DAPP1: variants seen among roughly 807,000 people sequenced by gnomAD.
DAPP1 encodes dual adapter for phosphotyrosine and 3-phosphotyrosine and 3-phosphoinositide.
DAPP1 carries 20 observed loss-of-function variants against 41.5 expected under a neutral mutation model. The ratio of observed to expected loss-of-function variants is 0.48; its 90% CI spans 0.34 to 0.70. The LOEUF (loss-of-function observed/expected upper bound fraction) is 0.70, where lower values mean the gene tolerates loss of function less well. Ranked by LOEUF, DAPP1 falls within the 30% of genes least tolerant of loss-of-function variation. The probability of loss-of-function intolerance (pLI) is 0.01; values close to 1 mark genes in which losing one functional copy is unlikely to be tolerated. For synonymous variants in DAPP1, 113 were observed against 116.2 expected, an observed-to-expected ratio of 0.97 and a Z score of 0.18; for missense variants, 233 against 333.4, an observed-to-expected ratio of 0.70 and a Z score of 2.35.
intron 1 of DAPP1, among the ~76,000 whole-genome samples, chr4:99,830,423 G>T (rs1399884568): frequency 6.6e-6 from 1 of 152,074 alleles, no homozygotes; most frequent in East Asian, 1.9e-4. Context: ...TATAGAAACT[G>T]TAAGGTCCAT....
intron 8 of DAPP1, 93 bp from the exon 9 acceptor site, chr4:99,868,024 T>C: frequency 9.2e-7 from 1 of 1,089,158 alleles, no homozygotes. Context: ...ATGACATCCT[T>C]ACTAATCAAC....
chr4:99,834,146 T>C (rs1723215646), intron 1 of DAPP1, among the ~76,000 whole-genome samples: 1 of 152,312 alleles, frequency 6.6e-6, no homozygotes, highest in South Asian at 2.1e-4. Flanking sequence ...GAATGACCTG[T>C]TATTGGAGAA....
chr4:99,867,849 G>T (rs1043375471), intron 8 of DAPP1, among the ~76,000 whole-genome samples: 1 of 151,886 alleles, frequency 6.6e-6, no homozygotes, highest in Non-Finnish European at 1.5e-5. Flanking sequence ...GAATAGTATT[G>T]CATTTTATAG....
At chr4:99,830,089 G>T (rs1723070227) in intron 1 of DAPP1, among the ~76,000 whole-genome samples, 2 of 152,080 alleles carry the variant, frequency 1.3e-5, no homozygotes, top group East Asian at 3.9e-4. Context: ...TTTAAAAATT[G>T]AATATAGTTC....
At chr4:99,822,774 C>A (rs1201437561) in intron 1 of DAPP1, among the ~76,000 whole-genome samples, 2 of 152,122 alleles carry the variant, frequency 1.3e-5, no homozygotes, top group Non-Finnish European at 2.9e-5. Context: ...TTGTTAAAAC[C>A]TGCATTAATT....
At chr4:99,859,087 A>AT (rs942754364) in intron 4 of DAPP1, among the ~76,000 whole-genome samples, 26 of 150,198 alleles carry the variant, frequency 1.7e-4, no homozygotes, top group Admixed American at 3.3e-4. Flanking sequence ...TCATTTTTTT[A>AT]TTTTTTTTTG....
chr4:99,819,115 G>A (rs1578337805), intron 1 of DAPP1, among the ~76,000 whole-genome samples: 2 of 152,142 alleles, frequency 1.3e-5, no homozygotes, highest in South Asian at 4.1e-4. Flanking sequence ...ACTTTATTGA[G>A]GTTATTTTAC....
chr4:99,855,843 A>G (rs1225584820), intron 4 of DAPP1, among the ~76,000 whole-genome samples: 4 of 152,188 alleles, frequency 2.6e-5, no homozygotes, highest in Non-Finnish European at 5.9e-5. Flanking sequence ...AGGGTTTTCA[A>G]ACTTCTGCAT....
In DAPP1 at chr4:99,842,826, T is replaced by A. The variant is rs78981415; in HGVS notation, c.358+2404T>A. 8.5e-3 allele frequency among the ~76,000 whole-genome samples: 1,293 copies of A among 151,564 alleles called. 10 individuals carry two copies. The highest frequency in any genetic ancestry group is 0.029 in the African/African-American group (1,192 of 40,944). ...TCAGGCTAACGATTTCATGTTCACCTTCAGATGAAGTACAGATATTTCTTT... is the reference window on the plus strand; with the variant it reads ...TCAGGCTAACGATTTCATGTTCACCATCAGATGAAGTACAGATATTTCTTT... On this transcript the variant is annotated intron_variant, in intron 3 of 8. Coordinates refer to ENST00000512369, the MANE Select transcript of DAPP1 (RefSeq NM_014395.3).
chr4:99,858,155 A>G (rs887327383), intron 4 of DAPP1, among the ~76,000 whole-genome samples: 15 of 152,168 alleles, frequency 9.9e-5, no homozygotes, highest in East Asian at 3.9e-4. Context: ...TTCAAGCTTC[A>G]CTAGTTTTCT....
intron 1 of DAPP1, among the ~76,000 whole-genome samples, chr4:99,829,339 G>A (rs1239949634): frequency 6.6e-6 from 1 of 152,012 alleles, no homozygotes; most frequent in African/African-American, 2.4e-5. Context: ...AATTTGCCAG[G>A]TGTGGTGGTG....
Position 99,868,536 on chromosome 4 carries a change from A to G in DAPP1, c.*351A>G, listed in dbSNP as rs1724541248. 4.9e-6 allele frequency: 1 copy of G among 203,534 alleles called. No homozygotes were observed. The highest frequency in any genetic ancestry group is 9.2e-5 in the South Asian group (1 of 10,890). The allele number at this position is 203,534 out of a possible 1,614,324, so 12.6% of individuals were successfully genotyped here. A position where few individuals can be genotyped will look rare whatever the true frequency, so the allele number is the denominator to read the frequency against. Reference sequence around the variant, plus strand: ...ATTGACACTAGTTGCCTAGAGTCCCACTGTGAGTCATGGTCAGCCTGTCTG... The same window carrying G: ...ATTGACACTAGTTGCCTAGAGTCCCGCTGTGAGTCATGGTCAGCCTGTCTG... On this transcript the variant is annotated 3_prime_UTR_variant, in exon 9 of 9. Coordinates refer to ENST00000512369, the MANE Select transcript of DAPP1 (RefSeq NM_014395.3).
intron 8 of DAPP1, among the ~76,000 whole-genome samples, chr4:99,867,453 A>T (rs1486030753): frequency 6.6e-6 from 1 of 152,218 alleles, no homozygotes; most frequent in Non-Finnish European, 1.5e-5. Flanking sequence ...ACCACTACAC[A>T]CCCTTCAGAA....
At chr4:99,849,689 G>A (rs1483107601) in intron 3 of DAPP1, among the ~76,000 whole-genome samples, 1 of 152,174 alleles carries the variant, frequency 6.6e-6, no homozygotes, top group Non-Finnish European at 1.5e-5. Context: ...CTGGACCTGT[G>A]AATATATTGT....
chr4:99,832,199 T>A (rs949652058), intron 1 of DAPP1, among the ~76,000 whole-genome samples: 1 of 152,232 alleles, frequency 6.6e-6, no homozygotes, highest in Non-Finnish European at 1.5e-5. Context: ...GCACAATGCC[T>A]TGCACAGATT....
intron 3 of DAPP1, 67 bp from the exon 4 acceptor site, chr4:99,853,151 T>C (rs1275408243): frequency 6.4e-7 from 1 of 1,573,448 alleles, no homozygotes; most frequent in Non-Finnish European, 8.7e-7. Flanking sequence ...GCCACAGTTA[T>C]CCAGTTAGCA....
intron 8 of DAPP1, among the ~76,000 whole-genome samples, chr4:99,867,558 G>C (rs1416224322): frequency 6.6e-6 from 1 of 152,172 alleles, no homozygotes; most frequent in Non-Finnish European, 1.5e-5. Flanking sequence ...AATGTGTACG[G>C]CTACTTTGAA....
intron 1 of DAPP1, among the ~76,000 whole-genome samples, chr4:99,817,412 T>C (rs1483798223): frequency 6.6e-6 from 1 of 152,198 alleles, no homozygotes; most frequent in East Asian, 1.9e-4. Flanking sequence ...AGGACTGTGT[T>C]TCTGGTAAGA....
At chr4:99,861,523 G>A in intron 4 of DAPP1, 55 bp from the exon 5 acceptor site, 1 of 1,515,516 alleles carries the variant, frequency 6.6e-7, no homozygotes, top group Non-Finnish European at 9.0e-7. Context: ...TGAAAGGAAG[G>A]ACAAACGTCC....
Sources: gnomAD v4.1 joint callset for allele counts (sites outside exome capture counted in the v4.1 genomes callset) on GRCh38, gnomAD v4.1.1 for gene constraint, MANE v1.5 for transcripts, NCBI Gene and HGNC (gene_info 2026-07-23, HGNC 2026-07-21) for gene names.